The following FAM13A variants were observed in gnomAD, a reference collection of about 807,000 sequenced individuals.
FAM13A encodes the protein protein FAM13A.
FAM13A carries 76 observed loss-of-function variants against 129.6 expected under a neutral mutation model. That is an observed-to-expected ratio of 0.59 (90% confidence interval 0.49 to 0.71). The LOEUF is 0.71. Ranked by LOEUF, FAM13A falls within the 30% of genes least tolerant of loss-of-function variation. FAM13A has a pLI of 0.00. For missense variants in FAM13A, 1,108 were observed against 1,249.3 expected (o/e 0.89, Z 1.70); for synonymous variants, 443 against 449.9 (o/e 0.98, Z 0.20).
chr4:88,878,267 GAC>G (rs2150113032), intron 6 of FAM13A, among the ~76,000 whole-genome samples: 1 of 120,386 alleles, frequency 8.3e-6, no homozygotes, highest in South Asian at 2.8e-4. Flanking sequence ...CAGCCTGGGC[GAC>G]AGAGTGAGAC....
chr4:89,034,569 C>T (rs1397761673), intron 1 of FAM13A, among the ~76,000 whole-genome samples: 1 of 152,186 alleles, frequency 6.6e-6, no homozygotes, highest in African/African-American at 2.4e-5. Flanking sequence ...GATCCTATTA[C>T]TGGGTAGTAT....
chr4:88,770,602 A>G (rs142680982), intron 11 of FAM13A, among the ~76,000 whole-genome samples: 2 of 152,338 alleles, frequency 1.3e-5, no homozygotes, highest in East Asian at 3.9e-4. Flanking sequence ...TTCAGGAAGA[A>G]TAAGAGTGAA....
rs563391090 is a variant in FAM13A at position 89,015,510 on chromosome 4, A to G, written c.427+4950T>C. On this transcript the variant is annotated intron_variant, in intron 3 of 23. Coordinates refer to ENST00000264344, the MANE Select transcript of FAM13A (RefSeq NM_014883.4). ...GGCTGACACTTAGGAAAAATAGAAA[A>G]GGACTCATGTTGAATTATCGGGGGC... Among the ~76,000 whole-genome samples the G allele has an allele frequency of 2.0e-5, 3 of 152,346 alleles. No individual in the cohort carries two copies. In the South Asian group the frequency reaches 6.2e-4, roughly 32 times the overall value.
intron 10 of FAM13A, among the ~76,000 whole-genome samples, chr4:88,781,855 G>A (rs1437898207): frequency 1.3e-5 from 2 of 148,914 alleles, no homozygotes; most frequent in Non-Finnish European, 3.0e-5. Flanking sequence ...TGGGGGGAGC[G>A]GGGAGGGATA....
At chr4:88,878,287 C>CAAAAAAA (rs56067813) in intron 6 of FAM13A, among the ~76,000 whole-genome samples, 20 of 61,066 alleles carry the variant, frequency 3.3e-4, no homozygotes, top group Admixed American at 7.8e-4. Context: ...GACTCCATCT[C>CAAAAAAA]AAAAAAAAAA....
intron 6 of FAM13A, among the ~76,000 whole-genome samples, chr4:88,903,477 C>A (rs889900435): frequency 1.3e-5 from 2 of 152,054 alleles, no homozygotes; most frequent in Non-Finnish European, 2.9e-5. Context: ...ACAATTATCT[C>A]ATCTGTGACA....
At chr4:88,837,158 C>A (rs1330920406) in intron 7 of FAM13A, among the ~76,000 whole-genome samples, 3 of 150,288 alleles carry the variant, frequency 2.0e-5, no homozygotes, top group Non-Finnish European at 4.4e-5. Context: ...CCATGCCTGG[C>A]TAATTTTGTA....
At chr4:88,979,430 T>A (rs1761357189) in intron 4 of FAM13A, among the ~76,000 whole-genome samples, 1 of 152,200 alleles carries the variant, frequency 6.6e-6, no homozygotes, top group Admixed American at 6.5e-5. Context: ...AAGTGGTGAT[T>A]AAGAGCTTGG....
intron 4 of FAM13A, among the ~76,000 whole-genome samples, chr4:88,941,750 C>G (rs758480129): frequency 6.6e-6 from 1 of 152,180 alleles, no homozygotes; most frequent in African/African-American, 2.4e-5. Flanking sequence ...GGTCTGGGCT[C>G]TGCTCTCTTT....
At chr4:89,044,099 A>AAAAAAAAAAC (rs1770518511) in intron 1 of FAM13A, among the ~76,000 whole-genome samples, 1 of 151,854 alleles carries the variant, frequency 6.6e-6, no homozygotes. Context: ...CCATATCAAA[A>AAAAAAAAAAC]AAAAAGACAC....
At chr4:88,738,959 CCTA>C in intron 20 of FAM13A, 68 bp downstream of exon 20, 1 of 926,418 alleles carries the variant, frequency 1.1e-6, no homozygotes, top group Non-Finnish European at 1.8e-6. Context: ...AGGTTAGGGC[CCTA>C]TTCATATATC....
intron 6 of FAM13A, among the ~76,000 whole-genome samples, chr4:88,896,240 A>G (rs1055589850): frequency 1.1e-4 from 15 of 141,630 alleles, no homozygotes; most frequent in Admixed American, 1.0e-3. Flanking sequence ...TGGACACAGG[A>G]AGGGGAACAT....
intron 5 of FAM13A, among the ~76,000 whole-genome samples, chr4:88,924,871 A>C (rs1475428416): frequency 5.3e-5 from 8 of 151,718 alleles, no homozygotes; most frequent in African/African-American, 1.9e-4. Flanking sequence ...AAAAACAAAC[A>C]ACCCCATCAA....
chr4:88,766,240 A>G (rs1190399438), intron 13 of FAM13A, among the ~76,000 whole-genome samples: 1 of 152,246 alleles, frequency 6.6e-6, no homozygotes. Flanking sequence ...GGAAGATGGC[A>G]GTGAAAGGAT....
intron 5 of FAM13A, among the ~76,000 whole-genome samples, chr4:88,923,464 T>C (rs534085197): frequency 6.6e-6 from 1 of 152,216 alleles, no homozygotes; most frequent in African/African-American, 2.4e-5. Context: ...CATGATTATC[T>C]CGAAAGATGC....
intron 3 of FAM13A, among the ~76,000 whole-genome samples, chr4:89,000,902 A>G (rs1764170574): frequency 6.6e-6 from 1 of 152,258 alleles, no homozygotes; most frequent in African/African-American, 2.4e-5. Context: ...AGAATAGCCT[A>G]AAACATGACA....
chr4:88,736,228 A>C (rs368662835), intron 21 of FAM13A: 23 of 152,216 alleles, frequency 1.5e-4, no homozygotes, highest in East Asian at 1.3e-3. Context: ...ATTTTCATAA[A>C]ACAAGTTCTA....
At chr4:88,963,821 T>C (rs1233771847) in intron 4 of FAM13A, among the ~76,000 whole-genome samples, 3 of 152,164 alleles carry the variant, frequency 2.0e-5, no homozygotes, top group Non-Finnish European at 2.9e-5. Context: ...CATACTATAC[T>C]CAATTTAAGA....
intron 4 of FAM13A, among the ~76,000 whole-genome samples, chr4:88,975,911 A>G (rs1760838299): frequency 6.6e-6 from 1 of 152,304 alleles, no homozygotes; most frequent in Non-Finnish European, 1.5e-5. Context: ...CAGGAGTCAG[A>G]AGACATTTTA....
Sources: allele counts gnomAD v4.1 joint callset (sites outside exome capture counted in the v4.1 genomes callset), GRCh38; gene constraint gnomAD v4.1.1; transcripts MANE v1.5; gene names NCBI Gene and HGNC (gene_info 2026-07-23, HGNC 2026-07-21).